The following IGSF1 variants were observed in gnomAD, a reference collection of about 807,000 sequenced individuals.
The protein encoded by IGSF1 is immunoglobulin-like domain-containing protein 1.
Under a neutral mutation model 95.3 loss-of-function variants are expected in IGSF1, and 40 were observed. The ratio of observed to expected loss-of-function variants is 0.42; its 90% CI spans 0.33 to 0.55. The LOEUF is 0.55. Among genes scored for constraint, IGSF1 ranks in the 20% least tolerant of loss-of-function variants. The pLI, the probability that IGSF1 is intolerant of heterozygous loss-of-function variation, is 0.10. For missense variants in IGSF1, 906 were observed against 1,025.4 expected, an observed-to-expected ratio of 0.88 and a Z score of 1.59; for synonymous variants, 372 against 382.9, an observed-to-expected ratio of 0.97 and a Z score of 0.33.
chrX:131,287,161 A>G (rs1196735595), intron 1 of IGSF1, among the ~76,000 whole-genome samples: 2 of 81,850 alleles, frequency 2.4e-5, no homozygotes, highest in Non-Finnish European at 4.8e-5. Context: ...ATATACGTAT[A>G]TATGTGTGTG....
chrX:131,275,408 A>G (rs905061042), intron 16 of IGSF1, 70 bp downstream of exon 16: 4 of 1,141,930 alleles, frequency 3.5e-6, no homozygotes, highest in Non-Finnish European at 4.7e-6. Context: ...TCTGAAAACT[A>G]TCTCCCATGA....
In IGSF1 at chrX:131,282,670, G is replaced by A; in HGVS notation, c.1020C>T (p.Ser340=). 1.7e-6 allele frequency: 2 copies of A among 1,210,501 alleles called. No individual in the cohort carries two copies. Among genetic ancestry groups the A allele is most frequent in the East Asian group, 3.0e-5 (1 of 33,849 alleles). ...CATCCACTGGTCCTCGACACCGTAG[G>A]CTCACATTCTGACCCATTTGGACCA... is the stretch of plus-strand genomic sequence containing the variant. ...SAVVQMGQNV[S]LRCRGPVDGV... Residue 340 remains serine, a synonymous_variant, in exon 7 of 20, where the codon AGC becomes AGT. Coordinates refer to ENST00000361420, the MANE Select transcript of IGSF1 (RefSeq NM_001555.5).
chrX:131,279,088 A>G (rs1233812096), intron 11 of IGSF1, 55 bp downstream of exon 11: 3 of 1,095,678 alleles, frequency 2.7e-6, no homozygotes, highest in Middle Eastern at 2.4e-4. Context: ...GACGCTCTGT[A>G]GTTATTTCGG....
At chrX:131,275,320 G>T (rs1291415201) in intron 16 of IGSF1, 34 bp from the exon 17 acceptor site, 2 of 1,194,102 alleles carry the variant, frequency 1.7e-6, no homozygotes, top group Non-Finnish European at 2.3e-6. Flanking sequence ...AAAGAGAAGA[G>T]GTCACTTTCC....
chrX:131,282,045 T>C, intron 7 of IGSF1, 101 bp from the exon 8 acceptor site: 3 of 755,158 alleles, frequency 4.0e-6, no homozygotes, highest in South Asian at 5.4e-5. Context: ...TCTCTTCCTT[T>C]CCACTTCCAC....
Position 131,288,970 on chromosome X carries a change from G to A in IGSF1, c.-68+244C>T. On this transcript the variant is annotated intron_variant, in intron 1 of 19. Coordinates refer to ENST00000361420, the MANE Select transcript of IGSF1 (RefSeq NM_001555.5). ...TACATGCTCAGCTGAGGGTTTGGAGGGAAGACTGAGAAGGAAAAGGGGAGA... is the reference window on the plus strand; with the variant it reads ...TACATGCTCAGCTGAGGGTTTGGAGAGAAGACTGAGAAGGAAAAGGGGAGA... 1.2e-5 allele frequency: 3 copies of A among 250,850 alleles called. No homozygotes were observed. The South Asian group carries it at 1.2e-4, about 10-fold the overall frequency. 20.7% of individuals were successfully genotyped at this position (250,850 alleles called of 1,213,427 possible).
chrX:131,279,215 C>T (rs200425275), intron 10 of IGSF1, 40 bp from the exon 11 acceptor site: 1 of 1,207,337 alleles, frequency 8.3e-7, no homozygotes, highest in Non-Finnish European at 1.1e-6. Flanking sequence ...CCCCCTCCCC[C>T]ACCGGGACTT....
In IGSF1 at chrX:131,281,790, T is replaced by A; in HGVS notation, c.1401A>T (p.Gly467=). Residue 467 remains glycine (G), a synonymous_variant, in exon 8 of 20, where the codon GGA becomes GGT. Coordinates refer to ENST00000361420, the MANE Select transcript of IGSF1 (RefSeq NM_001555.5). ...CGTCAACATTACTGATGATGAAGTCTCCGTTTACTGAGAATTTTTGGAATG... is the reference window on the plus strand; with the variant it reads ...CGTCAACATTACTGATGATGAAGTCACCGTTTACTGAGAATTTTTGGAATG... ...RETFQKFSVN[G]DFIISNVDGK... is the part of the protein sequence containing the mutation. The A allele has an allele frequency of 8.3e-7, 1 of 1,211,558 alleles. No individual in the cohort carries two copies. The highest frequency in any genetic ancestry group is 1.8e-5 in the South Asian group (1 of 56,988).
At chrX:131,277,278 C>T in intron 13 of IGSF1, 52 bp from the exon 14 acceptor site, 1 of 1,044,060 alleles carries the variant, frequency 9.6e-7, no homozygotes, top group Non-Finnish European at 1.3e-6. Flanking sequence ...CAACACAAAA[C>T]CAAATTAAGA....
chrX:131,285,385 C>G lies in IGSF1; in HGVS notation c.461G>C (p.Gly154Ala). ...CATGAATACCAAATCCTGCAGCCAGCCATGGCAGAGGATGTTAACATTACA... is the reference window on the plus strand; with the variant it reads ...CATGAATACCAAATCCTGCAGCCAGGCATGGCAGAGGATGTTAACATTACA... ...PGCNVNILCH[G>A]WLQDLVFMLF... Residue 154 changes from glycine to alanine, a missense_variant, in exon 5 of 20, where the codon GGC (glycine) becomes GCC (alanine). Around this residue, in one of 5 missense-constraint regions of IGSF1, gnomAD observed 442 missense variants for 448.1 expected, o/e 0.99. Coordinates refer to ENST00000361420, the MANE Select transcript of IGSF1 (RefSeq NM_001555.5). 8.3e-7 allele frequency: 1 copy of G among 1,211,036 alleles called. No homozygotes were observed. Among genetic ancestry groups the G allele is most frequent in the Non-Finnish European group, 1.1e-6 (1 of 894,719 alleles).
intron 8 of IGSF1, 62 bp downstream of exon 8, chrX:131,281,604 G>A: frequency 1.8e-6 from 2 of 1,113,191 alleles, no homozygotes; most frequent in Non-Finnish European, 2.4e-6. Context: ...ATATCTTTCT[G>A]GGCACTGATC....
intron 5 of IGSF1, chrX:131,284,416 G>T: frequency 1.9e-6 from 1 of 538,337 alleles, no homozygotes; most frequent in Non-Finnish European, 2.3e-6. Context: ...GGCAGTGTCA[G>T]AAATAGAACT....
intron 7 of IGSF1, 80 bp downstream of exon 7, chrX:131,282,364 G>A (rs1423098890): frequency 3.8e-6 from 3 of 785,739 alleles, no homozygotes; most frequent in Non-Finnish European, 5.7e-6. Flanking sequence ...GAGGATATGA[G>A]GCTACTAGCT....
At chrX:131,277,724 C>G in intron 13 of IGSF1, 132 bp downstream of exon 13, 1 of 715,759 alleles carries the variant, frequency 1.4e-6, no homozygotes, top group Non-Finnish European at 2.1e-6. Context: ...CCACGCCTGC[C>G]TGGCTCTAAG....
chrX:131,287,395 C>T (rs1026360079), intron 1 of IGSF1, among the ~76,000 whole-genome samples: 2 of 109,983 alleles, frequency 1.8e-5, no homozygotes, highest in East Asian at 2.9e-4. Flanking sequence ...CCAGAGGTAC[C>T]CTTCACTCCC....
At chrX:131,280,292 G>T (rs2080538286) in intron 9 of IGSF1, among the ~76,000 whole-genome samples, 1 of 111,521 alleles carries the variant, frequency 9.0e-6, no homozygotes, top group Non-Finnish European at 1.9e-5. Flanking sequence ...AGGCTTAGGT[G>T]GCTCCCTTCT....
chrX:131,286,158 C>T (rs1404551360), intron 3 of IGSF1, 110 bp from the exon 4 acceptor site: 11 of 741,929 alleles, frequency 1.5e-5, no homozygotes, highest in South Asian at 5.4e-5. Flanking sequence ...CTCATTTTGT[C>T]TTCCCTTGGG....
In IGSF1 at chrX:131,287,123, G is replaced by GTA. The variant is rs200673238; in HGVS notation, c.-67-384_-67-383dup. Among the ~76,000 whole-genome samples, 3 of 100,612 alleles carry GTA rather than the reference G, an allele frequency of 3.0e-5. No homozygotes were observed. In the South Asian group the frequency reaches 1.5e-3, roughly 50 times the overall value. The allele number at this position is 100,612 out of a possible 115,157, so 87.4% of individuals were successfully genotyped here. A position where few individuals can be genotyped will look rare whatever the true frequency, so the allele number is the denominator to read the frequency against. On this transcript the variant is annotated intron_variant, in intron 1 of 19. Transcript: ENST00000361420. The stretch of plus-strand genomic sequence containing the variant: ...TGTATATACATGTATATATATGTGT[G>GTA]TATATATACGTATATATGTGTGTAT...
rs1603404074 is a variant in IGSF1, at chrX:131,275,983, C to T, written c.2874G>A (p.Met958Ile). 6.6e-6 allele frequency: 8 copies of T among 1,210,573 alleles called. No homozygotes were observed. Among genetic ancestry groups the T allele is most frequent in the Non-Finnish European group, 8.9e-6 (8 of 894,720 alleles). The part of the protein sequence containing the change: ...TMSNRGSYLS[M>I]PLMIWVTDTF... ...TACCAGTCACCCAGATCATAAGGGG[C>T]ATACTGAGATATGACCCCCTGTTTG... is the stretch of plus-strand genomic sequence containing the variant. The change falls in exon 15 of 20, where the codon ATG becomes ATA. Residue 958 changes from methionine (M) to isoleucine (I), a missense_variant. By Grantham distance (10) the Met-to-Ile change is conservative. Coordinates refer to ENST00000361420, the MANE Select transcript of IGSF1 (RefSeq NM_001555.5).
Sources: gnomAD v4.1 joint callset for allele counts (sites outside exome capture counted in the v4.1 genomes callset) on GRCh38, gnomAD v4.1.1 for gene constraint, gnomAD v4.1.1 regional missense constraint, MANE v1.5 for transcripts, NCBI Gene and HGNC (gene_info 2026-07-23, HGNC 2026-07-21) for gene names.